RIF1: variants seen among roughly 807,000 people sequenced by gnomAD.
RIF1 encodes the protein telomere-associated protein RIF1.
Under a neutral mutation model 247.1 loss-of-function variants are expected in RIF1, and 45 were observed. The ratio of observed to expected loss-of-function variants is 0.18; its 90% CI spans 0.14 to 0.23. RIF1 has a LOEUF of 0.23. Ranked by LOEUF, RIF1 falls within the 10% of genes least tolerant of loss-of-function variation. RIF1 has a pLI of 1.00. For missense variants in RIF1, 2,967 were observed against 2,862.5 expected (o/e 1.04, Z -0.83); for synonymous variants, 1,087 against 978.8 (o/e 1.11, Z -2.06).
At position 151,490,508 on chromosome 2, in the gene RIF1, C is replaced by T. The variant is rs376897146; in HGVS notation, c.*416-4721C>T. On this transcript the variant is annotated intron_variant and NMD_transcript_variant, in intron 9 of 13. Transcript: ENST00000454583. ...ATCGTGACTGCTCCCGGCTCCGGCG[C>T]TGAGCTTGGACTGGGAGAGATGCAG... The T allele has an allele frequency of 1.1e-4, 177 of 1,609,088 alleles. No homozygotes were observed. The African/African-American group carries it at 2.2e-3, about 20-fold the overall frequency.
At chr2:151,493,706 A>G in intron 9 of RIF1, 1 of 1,207,070 alleles carries the variant, frequency 8.3e-7, no homozygotes, top group South Asian at 1.5e-5. Flanking sequence ...TGTAAGATAA[A>G]TTAGTGGTAC....
chr2:151,429,953 CATT>C (rs1471428297), intron 9 of RIF1, among the ~76,000 whole-genome samples: 1 of 151,954 alleles, frequency 6.6e-6, no homozygotes, highest in African/African-American at 2.4e-5. Context: ...TGCCAAAGAC[CATT>C]ATTTATCCCA....
In RIF1 at chr2:151,475,196, C is replaced by A; in HGVS notation, c.*125C>A. On this transcript the variant is annotated 3_prime_UTR_variant, in exon 36 of 36. Transcript: ENST00000444746. ...TTTGCAAAGTTGATAACATTTCAAA[C>A]CCTGAAGGACAGTGACTTATTATGT... 1 of 684,586 alleles carries A rather than the reference C, an allele frequency of 1.5e-6. No homozygotes were observed. The highest frequency in any genetic ancestry group is 2.5e-6 in the Non-Finnish European group (1 of 398,728). The allele number at this position is 684,586 out of a possible 1,614,324, so 42.4% of individuals were successfully genotyped here.
chr2:151,458,842 C>T lies in RIF1; in HGVS notation c.2887C>T (p.Leu963=), dbSNP rs780711637. 21 of 1,612,664 alleles carry T rather than the reference C, an allele frequency of 1.3e-5. No individual in the cohort carries two copies. The Admixed American group carries it at 3.2e-4, about 24-fold the overall frequency. The change falls in exon 25 of 36, where the codon CTG becomes TTG. Residue 963 remains leucine (L), a synonymous_variant. Coordinates refer to ENST00000444746, the MANE Select transcript of RIF1 (RefSeq NM_018151.5). ...ACTAACACAAGCCAAACAAAAATTT[C>T]TGCTCCTGTTGCCTGGTTTGGAAAC... ...PVLTQAKQKF[L]LLLPGLETVE... is the part of the protein sequence containing the mutation.
In RIF1 at chr2:151,457,826, T is replaced by A. The variant is rs539050147; in HGVS notation, c.2718T>A (p.Ser906Arg). Reference protein sequence around the residue: ...LQFSYTGTYDSELLEQLSPLL... With the variant: ...LQFSYTGTYDRELLEQLSPLL... ...TCAGCTACACCGGAACTTATGATAG[T>A]GAACTTCTTGAACAACTCTCCCCAC... Residue 906 changes from serine to arginine, a missense_variant, in exon 24 of 36, where the codon AGT (serine) becomes AGA (arginine). Transcript: ENST00000444746. 1 of 1,613,870 alleles carries A rather than the reference T, an allele frequency of 6.2e-7. No individual in the cohort carries two copies. Among genetic ancestry groups the A allele is most frequent in the East Asian group, 2.2e-5 (1 of 44,808 alleles).
chr2:151,521,318 A>T, the RIF1 span, among the ~76,000 whole-genome samples: 1 of 152,242 alleles, frequency 6.6e-6, no homozygotes, highest in South Asian at 2.1e-4. Context: ...GTTCAGCATG[A>T]TGCAGGCACA....
intron 15 of RIF1, 29 bp downstream of exon 15, chr2:151,440,156 T>C (rs776896794): frequency 1.7e-6 from 2 of 1,183,248 alleles, no homozygotes; most frequent in South Asian, 1.3e-5. Context: ...TGTTGGACTT[T>C]AAAAACCATT....
At chr2:151,425,044 C>T (rs1333087132) in intron 8 of RIF1, among the ~76,000 whole-genome samples, 1 of 151,854 alleles carries the variant, frequency 6.6e-6, no homozygotes, top group African/African-American at 2.4e-5. Flanking sequence ...TGGGGTTCCG[C>T]TTCCATAATA....
intron 29 of RIF1, 39 bp from the exon 30 acceptor site, chr2:151,462,845 A>C: frequency 7.1e-7 from 1 of 1,411,552 alleles, no homozygotes; most frequent in African/African-American, 1.4e-5. Flanking sequence ...GCTGGTTATT[A>C]ATCTGTGTGT....
At chr2:151,489,711 T>A (rs1281529256) in intron 9 of RIF1, among the ~76,000 whole-genome samples, 1 of 152,102 alleles carries the variant, frequency 6.6e-6, no homozygotes, top group Non-Finnish European at 1.5e-5. Context: ...TTTAAGATAG[T>A]AGGTGAGACC....
At chr2:151,485,815 AC>A (rs2049800731), downstream of RIF1, 12 of 1,614,010 alleles carry the variant, frequency 7.4e-6, no homozygotes, top group African/African-American at 1.3e-5. Flanking sequence ...AGTCCTCTGC[AC>A]AGTGCCATAC....
At chr2:151,427,755 C>T (rs1442796857) in intron 8 of RIF1, among the ~76,000 whole-genome samples, 2 of 149,870 alleles carry the variant, frequency 1.3e-5, no homozygotes, top group South Asian at 2.1e-4. Flanking sequence ...CATGGCAAAA[C>T]CTTGTCTCTA....
At chr2:151,433,969 T>G (rs149741686) in intron 10 of RIF1, among the ~76,000 whole-genome samples, 3,797 of 151,814 alleles carry the variant, frequency 0.025, 113 homozygotes, top group East Asian at 0.14. Context: ...CTCAGGAGTT[T>G]GAGACCAGCC....
Position 151,418,000 on chromosome 2 carries a change from A to G in RIF1, c.503+1099A>G, listed in dbSNP as rs192295748. Among the ~76,000 whole-genome samples, 436 of 152,274 alleles carry G rather than the reference A, an allele frequency of 2.9e-3. 2 individuals are homozygous for G. The highest frequency in any genetic ancestry group is 3.6e-3 in the Non-Finnish European group (248 of 68,010). Reference sequence around the variant, plus strand: ...GTACACTAAAAATATGATAAAAAAGATTAAAAAATGGTACACCTGTATCTC... The same window carrying G: ...GTACACTAAAAATATGATAAAAAAGGTTAAAAAATGGTACACCTGTATCTC... On this transcript the variant is annotated intron_variant, in intron 6 of 35. Coordinates refer to ENST00000444746, the MANE Select transcript of RIF1 (RefSeq NM_018151.5).
Position 151,464,490 on chromosome 2 carries a change from G to A in RIF1, c.4970G>A (p.Ser1657Asn), listed in dbSNP as rs1696627133. 5 of 1,612,510 alleles carry A rather than the reference G, an allele frequency of 3.1e-6. No homozygotes were observed. Among genetic ancestry groups the A allele is most frequent in the Non-Finnish European group, 4.2e-6 (5 of 1,179,664 alleles). The change falls in exon 30 of 36, where the codon AGC becomes AAC. Residue 1657 changes from serine (S) to asparagine (N), a missense_variant. Transcript: ENST00000444746. Reference sequence around the variant, plus strand: ...GTGTGTGAGGAAAAAAATGAAACTAGCAAATATGCAGAATATTCCTTTACA... The same window carrying A: ...GTGTGTGAGGAAAAAAATGAAACTAACAAATATGCAGAATATTCCTTTACA... The part of the protein sequence containing the change: ...PNVCEEKNET[S>N]KYAEYSFTSL...
chr2:151,411,377 A>G (rs1447133435), intron 3 of RIF1, 39 bp downstream of exon 3: 2 of 1,290,898 alleles, frequency 1.5e-6, no homozygotes, highest in African/African-American at 1.5e-5. Context: ...CACTTTTGGT[A>G]GTTTGGTTTT....
In RIF1 at chr2:151,461,856, A is replaced by G. The variant is rs551599530; in HGVS notation, c.3228-386A>G. Among the ~76,000 whole-genome samples the G allele has an allele frequency of 2.8e-4, 43 of 151,776 alleles. 1 individual carries two copies. Among genetic ancestry groups the G allele is most frequent in the Non-Finnish European group, 1.5e-5 (1 of 67,864 alleles). ...TTTATAACAATTTAGTAGAACTGTA[A>G]TTTTCGTTTCTTTTTATGTTTTGTT... On this transcript the variant is annotated intron_variant, in intron 27 of 35. Transcript: ENST00000444746.
At chr2:151,508,178 A>G (rs771479630), downstream of RIF1, 13 of 1,040,580 alleles carry the variant, frequency 1.2e-5, no homozygotes, top group African/African-American at 1.6e-5. Flanking sequence ...GACCTAAAAT[A>G]GGCTATTTTA....
At chr2:151,442,809 T>G (rs1236835482) in intron 16 of RIF1, among the ~76,000 whole-genome samples, 2 of 143,286 alleles carry the variant, frequency 1.4e-5, no homozygotes, top group African/African-American at 2.6e-5. Context: ...AGTCAGGCTG[T>G]TGCGCAGTCT....
Sources: gnomAD v4.1 joint callset for allele counts (sites outside exome capture counted in the v4.1 genomes callset) on GRCh38, gnomAD v4.1.1 for gene constraint, MANE v1.5 for transcripts, NCBI Gene and HGNC (gene_info 2026-07-23, HGNC 2026-07-21) for gene names.